The following TUBE1 variants were observed in gnomAD, a reference collection of about 807,000 sequenced individuals.
TUBE1 encodes tubulin epsilon 1, also known as tubulin epsilon chain.
In TUBE1, 34 loss-of-function variants were observed where a neutral mutation model predicts 53.5. The ratio of observed to expected loss-of-function variants is 0.64; its 90% CI spans 0.48 to 0.85. TUBE1 has a LOEUF of 0.85. Among genes scored for constraint, TUBE1 ranks in the 40% least tolerant of loss-of-function variants. TUBE1 has a pLI of 0.00. For synonymous variants in TUBE1, 177 were observed against 198.4 expected, an observed-to-expected ratio of 0.89 and a Z score of 0.91; for missense variants, 532 against 570.5, an observed-to-expected ratio of 0.93 and a Z score of 0.69.
rs1777037795 is a variant in TUBE1, at chr6:112,079,687, C to A, written c.394G>T (p.Ala132Ser). Residue 132 changes from alanine (A) to serine (S), a missense_variant, in exon 6 of 12, where the codon GCA (alanine) becomes TCA (serine). Transcript: ENST00000368662. ...DQILEKFRKS[A>S]EHCDCLQCFF... The stretch of plus-strand genomic sequence containing the variant: ...CACTGCAAGCAATCACAGTGCTCTG[C>A]CGACTTTCTGAATTTCTCTAAAATC... The A allele has an allele frequency of 6.2e-7, 1 of 1,612,364 alleles. No homozygotes were observed. The highest frequency in any genetic ancestry group is 1.1e-5 in the South Asian group (1 of 90,886).
In TUBE1 at chr6:112,087,425, A is replaced by C. The variant is rs199513778; in HGVS notation, c.10T>G (p.Ser4Ala). The C allele has an allele frequency of 4.2e-4, 654 of 1,551,010 alleles. No individual in the cohort carries two copies. The highest frequency in any genetic ancestry group is 5.4e-4 in the Non-Finnish European group (621 of 1,146,766). The change falls in exon 1 of 12, where the codon TCG becomes GCG. Residue 4 changes from serine (S) to alanine (A), a missense_variant. Coordinates refer to ENST00000368662, the MANE Select transcript of TUBE1 (RefSeq NM_016262.5). MTQ[S>A]VVVQVGQCGN... ...CGTAGCTTACCCTGTACGACCACCG[A>C]CTGGGTCATGGTGGTGCGCCGCCGG...
chr6:112,071,269 G>A lies in TUBE1; in HGVS notation c.*143C>T, dbSNP rs2114476021. 2.8e-6 allele frequency: 2 copies of A among 718,514 alleles called. No individual in the cohort carries two copies. The highest frequency in any genetic ancestry group is 3.8e-5 in the South Asian group (1 of 25,998). 44.5% of individuals were successfully genotyped at this position (718,514 alleles called of 1,614,324 possible). On this transcript the variant is annotated 3_prime_UTR_variant, in exon 12 of 12. Coordinates refer to ENST00000368662, the MANE Select transcript of TUBE1 (RefSeq NM_016262.5). Reference sequence around the variant, plus strand: ...CACATTGGTATTACCAACAAATTGCGATTAAACAGAAATCACTCTTTTAGA... The same window carrying A: ...CACATTGGTATTACCAACAAATTGCAATTAAACAGAAATCACTCTTTTAGA...
Position 112,087,479 on chromosome 6 carries a change from T to G in TUBE1, c.-45A>C, listed in dbSNP as rs782670287. 1 of 1,546,160 alleles carries G rather than the reference T, an allele frequency of 6.5e-7. No homozygotes were observed. The stretch of plus-strand genomic sequence containing the variant: ...CGGGAGCTTGCTAGCCCGCGGCCGC[T>G]TCTGCATTCCCCCAGCAACGGCGCT... On this transcript the variant is annotated 5_prime_UTR_variant, in exon 1 of 12. Transcript: ENST00000368662.
chr6:112,081,612 C>T (rs1238497930), intron 4 of TUBE1, among the ~76,000 whole-genome samples: 1 of 151,962 alleles, frequency 6.6e-6, no homozygotes, highest in East Asian at 1.9e-4. Flanking sequence ...CAAAACTGTC[C>T]AACTCAAATG....
In TUBE1 at chr6:112,070,843, T is replaced by A. The variant is rs1776843181; in HGVS notation, c.*569A>T. On this transcript the variant is annotated 3_prime_UTR_variant, in exon 12 of 12. Coordinates refer to ENST00000368662, the MANE Select transcript of TUBE1 (RefSeq NM_016262.5). ...TAAGAAAGCAATTATTTAAAAAGTT[T>A]AATACAAATACATGTTAAGTGTACA... 2.6e-5 allele frequency: 4 copies of A among 152,140 alleles called. No homozygotes were observed. Among genetic ancestry groups the A allele is most frequent in the African/African-American group, 9.6e-5 (4 of 41,460 alleles). 9.4% of individuals were successfully genotyped at this position (152,140 alleles called of 1,614,324 possible). A position where few individuals can be genotyped will look rare whatever the true frequency, so the allele number is the denominator to read the frequency against.
In TUBE1 at chr6:112,084,266, G is replaced by A. The variant is rs781804459; in HGVS notation, c.153-20C>T. The A allele has an allele frequency of 1.1e-5, 18 of 1,603,186 alleles. No homozygotes were observed. The highest frequency in any genetic ancestry group is 1.5e-5 in the Non-Finnish European group (18 of 1,170,994). On this transcript the variant is annotated intron_variant, in intron 3 of 11. Coordinates refer to ENST00000368662, the MANE Select transcript of TUBE1 (RefSeq NM_016262.5). ...ACCACTCTGAAAGATAAAAAAATGA[G>A]AAATGGTCATAAGATCTTCCATGGC... is the stretch of plus-strand genomic sequence containing the variant.
chr6:112,086,544 A>T lies in TUBE1; in HGVS notation c.152+12T>A. ...AAGTATCACACTGTGACAGACTTTA[A>T]TCCCATCTTACCTGGTGTCCACATT... is the stretch of plus-strand genomic sequence containing the variant. On this transcript the variant is annotated intron_variant, in intron 3 of 11. Coordinates refer to ENST00000368662, the MANE Select transcript of TUBE1 (RefSeq NM_016262.5). The T allele has an allele frequency of 6.2e-7, 1 of 1,608,572 alleles. No homozygotes were observed. The highest frequency in any genetic ancestry group is 8.5e-7 in the Non-Finnish European group (1 of 1,175,618).
At chr6:112,080,621 A>T (rs373149210) in intron 5 of TUBE1, among the ~76,000 whole-genome samples, 1 of 152,104 alleles carries the variant, frequency 6.6e-6, no homozygotes, top group African/African-American at 2.4e-5. Flanking sequence ...TGAATTCTTA[A>T]GTAATCACTG....
chr6:112,076,169 A>ATG (rs770188621), intron 7 of TUBE1, 57 bp from the exon 8 acceptor site: 50 of 1,499,918 alleles, frequency 3.3e-5, no homozygotes, highest in Admixed American at 1.8e-4. Flanking sequence ...TGTAGATGAT[A>ATG]TTCTACTAGG....
chr6:112,078,987 A>G (rs978064952), intron 6 of TUBE1, among the ~76,000 whole-genome samples: 4 of 152,074 alleles, frequency 2.6e-5, no homozygotes, highest in African/African-American at 9.7e-5. Context: ...AAAAATCAGC[A>G]AGTTACATTC....
chr6:112,077,940 G>C (rs1042571796), intron 6 of TUBE1: 1 of 151,906 alleles, frequency 6.6e-6, no homozygotes, highest in Non-Finnish European at 1.5e-5. Flanking sequence ...ATGCCACCAC[G>C]AAATGGGCAA....
At chr6:112,082,077 C>T (rs1777080135) in intron 4 of TUBE1, among the ~76,000 whole-genome samples, 1 of 152,054 alleles carries the variant, frequency 6.6e-6, no homozygotes, top group Non-Finnish European at 1.5e-5. Context: ...GTTCTGTTAC[C>T]ATATAACATT....
At chr6:112,072,489 T>C (rs1434987151) in intron 10 of TUBE1, among the ~76,000 whole-genome samples, 1 of 152,134 alleles carries the variant, frequency 6.6e-6, no homozygotes, top group Non-Finnish European at 1.5e-5. Context: ...GCAGTGGTAA[T>C]AAAAATAGTA....
At chr6:112,074,076 C>G (rs1305603579) in intron 9 of TUBE1, among the ~76,000 whole-genome samples, 1 of 152,200 alleles carries the variant, frequency 6.6e-6, no homozygotes, top group Non-Finnish European at 1.5e-5. Context: ...ATACTGTCTC[C>G]TTACAGAGTT....
chr6:112,072,334 G>C lies in TUBE1; in HGVS notation c.1095-258C>G, dbSNP rs78035271. Among the ~76,000 whole-genome samples the C allele has an allele frequency of 1.7e-3, 261 of 152,220 alleles. 3 individuals carry two copies. Among genetic ancestry groups the C allele is most frequent in the African/African-American group, 6.1e-3 (255 of 41,550 alleles). On this transcript the variant is annotated intron_variant, in intron 10 of 11. Transcript: ENST00000368662. ...AAGAAGCTAGAAACTCATTCCTTAA[G>C]AGTAGAAATCTAGGGATATAAAGAA...
chr6:112,083,970 T>G, intron 4 of TUBE1: 1 of 516,604 alleles, frequency 1.9e-6, no homozygotes, highest in Non-Finnish European at 3.5e-6. Flanking sequence ...AGACACTATT[T>G]CTCCTGAAAA....
In TUBE1 at chr6:112,070,906, A is replaced by G. The variant is rs1310850057; in HGVS notation, c.*506T>C. 1 of 152,196 alleles carries G rather than the reference A, an allele frequency of 6.6e-6. No individual in the cohort carries two copies. The highest frequency in any genetic ancestry group is 1.5e-5 in the Non-Finnish European group (1 of 68,010). 9.4% of individuals were successfully genotyped at this position (152,196 alleles called of 1,614,324 possible). A position where few individuals can be genotyped will look rare whatever the true frequency, so the allele number is the denominator to read the frequency against. On this transcript the variant is annotated 3_prime_UTR_variant, in exon 12 of 12. Transcript: ENST00000368662. Reference sequence around the variant, plus strand: ...TTTGGGCAAACAAGTTGTTATCTAAAGAAGAAGCAAAACCTCCTTAACAGT... The same window carrying G: ...TTTGGGCAAACAAGTTGTTATCTAAGGAAGAAGCAAAACCTCCTTAACAGT...
chr6:112,087,371 C>G, intron 1 of TUBE1, 39 bp downstream of exon 1: 1 of 1,551,356 alleles, frequency 6.4e-7, no homozygotes, highest in African/African-American at 1.4e-5. Flanking sequence ...CCGCTGGATT[C>G]CGCGGCGACC....
intron 4 of TUBE1, among the ~76,000 whole-genome samples, chr6:112,082,285 A>G (rs1234079257): frequency 2.6e-5 from 4 of 152,222 alleles, no homozygotes; most frequent in African/African-American, 9.6e-5. Flanking sequence ...ATTTTCAAGC[A>G]TATTTCTGAC....
Sources: allele counts gnomAD v4.1 joint callset (sites outside exome capture counted in the v4.1 genomes callset), GRCh38; gene constraint gnomAD v4.1.1; transcripts MANE v1.5; gene names NCBI Gene and HGNC (gene_info 2026-07-23, HGNC 2026-07-21).